The following TASP1 variants were observed in gnomAD, a reference collection of about 807,000 sequenced individuals.
TASP1 encodes the protein threonine aspartase 1.
A neutral mutation model predicts 56.6 loss-of-function variants in TASP1; 16 were observed. The observed-to-expected ratio is 0.28, with a 90% CI of 0.19 to 0.43. The LOEUF is 0.43. Among genes scored for constraint, TASP1 ranks in the 20% least tolerant of loss-of-function variants. TASP1 has a pLI of 1.00. For synonymous variants in TASP1, 179 were observed against 184.2 expected (o/e 0.97, Z 0.23); for missense variants, 393 against 511.6 (o/e 0.77, Z 2.24).
chr20:13,571,273 A>T (rs763713092), intron 6 of TASP1, among the ~76,000 whole-genome samples: 6 of 152,222 alleles, frequency 3.9e-5, no homozygotes, highest in Non-Finnish European at 7.3e-5. Context: ...ATAGTAGGTC[A>T]TCATCACACA....
At chr20:13,582,475 G>T (rs998278143) in intron 5 of TASP1, among the ~76,000 whole-genome samples, 1 of 151,328 alleles carries the variant, frequency 6.6e-6, no homozygotes, top group African/African-American at 2.4e-5. Context: ...TGATTTCCAG[G>T]ATACATAAGA....
chr20:13,294,282 G>T, the TASP1 span, among the ~76,000 whole-genome samples: 21 of 152,158 alleles, frequency 1.4e-4, no homozygotes, highest in African/African-American at 5.1e-4. Context: ...ATTCAGTGTC[G>T]CTAGGGCCTC....
the TASP1 span, among the ~76,000 whole-genome samples, chr20:13,271,176 T>A: frequency 6.6e-6 from 1 of 152,232 alleles, no homozygotes; most frequent in East Asian, 1.9e-4. Context: ...TTCAAAGCAC[T>A]CAGGAAAGCT....
At chr20:13,257,795 TG>T in the TASP1 span, among the ~76,000 whole-genome samples, 1 of 151,892 alleles carries the variant, frequency 6.6e-6, no homozygotes, top group Non-Finnish European at 1.5e-5. Context: ...CAGTGTACTG[TG>T]GGCCAGTGTT....
chr20:13,110,600 C>A, the TASP1 span, among the ~76,000 whole-genome samples: 21 of 152,130 alleles, frequency 1.4e-4, no homozygotes, highest in African/African-American at 4.8e-4. Flanking sequence ...TGATGGGTGG[C>A]CCGGATGCCC....
chr20:13,492,720 T>A (rs1347018591), intron 10 of TASP1, among the ~76,000 whole-genome samples: 1 of 152,228 alleles, frequency 6.6e-6, no homozygotes, highest in Non-Finnish European at 1.5e-5. Context: ...ACAACTTGTC[T>A]CATACTTTGG....
At chr20:13,447,473 C>T (rs2043453985) in intron 11 of TASP1, among the ~76,000 whole-genome samples, 1 of 152,084 alleles carries the variant, frequency 6.6e-6, no homozygotes, top group South Asian at 2.1e-4. Context: ...TCTTTTGTGG[C>T]TGGTTAGCTA....
At chr20:13,437,613 T>A (rs1042719917) in intron 11 of TASP1, among the ~76,000 whole-genome samples, 1 of 152,184 alleles carries the variant, frequency 6.6e-6, no homozygotes, top group Non-Finnish European at 1.5e-5. Context: ...GAAAACCCCA[T>A]TGTCTCAGCC....
the TASP1 span, among the ~76,000 whole-genome samples, chr20:13,327,371 G>C: frequency 6.6e-6 from 1 of 152,048 alleles, no homozygotes; most frequent in Non-Finnish European, 1.5e-5. Context: ...CATGAAAATG[G>C]CCATACTGCC....
At chr20:13,294,027 G>C in the TASP1 span, among the ~76,000 whole-genome samples, 1 of 152,050 alleles carries the variant, frequency 6.6e-6, no homozygotes, top group African/African-American at 2.4e-5. Context: ...TACAGTGTCG[G>C]GGGCAGTAGA....
intron 6 of TASP1, among the ~76,000 whole-genome samples, chr20:13,576,330 A>AAAGAAAGG (rs1555793492): frequency 2.2e-5 from 3 of 136,946 alleles, no homozygotes; most frequent in South Asian, 2.4e-4. Context: ...AAGAAAAGAG[A>AAAGAAAGG]AAGAAAGAAA....
chr20:13,311,255 AG>A, the TASP1 span, among the ~76,000 whole-genome samples: 1 of 132,510 alleles, frequency 7.5e-6, no homozygotes, highest in African/African-American at 3.0e-5. Flanking sequence ...ATAGATAGAT[AG>A]ATAGATAGAT....
At chr20:13,220,561 C>G in the TASP1 span, among the ~76,000 whole-genome samples, 1 of 152,224 alleles carries the variant, frequency 6.6e-6, no homozygotes, top group African/African-American at 2.4e-5. Flanking sequence ...TCCTGAGCGC[C>G]TGAGCCGCGG....
At chr20:13,259,288 A>C in the TASP1 span, among the ~76,000 whole-genome samples, 41 of 151,900 alleles carry the variant, frequency 2.7e-4, no homozygotes, top group African/African-American at 9.6e-4. Context: ...CTCAAAAAAA[A>C]AAAAACAAAA....
chr20:13,253,358 G>A, the TASP1 span, among the ~76,000 whole-genome samples: 3 of 152,214 alleles, frequency 2.0e-5, no homozygotes, highest in East Asian at 1.9e-4. Context: ...ACCACTCAGA[G>A]GGTCTCCCCA....
the TASP1 span, among the ~76,000 whole-genome samples, chr20:13,131,529 A>G: frequency 0.027 from 4,068 of 152,306 alleles, 74 homozygotes; most frequent in African/African-American, 0.032. Flanking sequence ...TTATTCCCTT[A>G]CTTCTGCAAA....
the TASP1 span, among the ~76,000 whole-genome samples, chr20:13,116,148 G>A: frequency 1.3e-4 from 19 of 151,840 alleles, no homozygotes; most frequent in East Asian, 1.7e-3. Context: ...ACCAACACCC[G>A]TTGGTCTGGG....
At chr20:13,461,898 A>G (rs890851780) in intron 11 of TASP1, among the ~76,000 whole-genome samples, 6 of 152,158 alleles carry the variant, frequency 3.9e-5, no homozygotes, top group African/African-American at 1.4e-4. Context: ...AGATGTTTAT[A>G]CAAGATTCAT....
the TASP1 span, among the ~76,000 whole-genome samples, chr20:13,148,629 G>T: frequency 2.3e-3 from 354 of 152,336 alleles, 1 homozygote; most frequent in Middle Eastern, 0.01. Context: ...CAGCCAGGCT[G>T]CAATCAGATA....
Sources: gnomAD v4.1 joint callset for allele counts (sites outside exome capture counted in the v4.1 genomes callset) on GRCh38, gnomAD v4.1.1 for gene constraint, MANE v1.5 for transcripts, NCBI Gene and HGNC (gene_info 2026-07-23, HGNC 2026-07-21) for gene names.